Variants in NMNAT3 observed in about 807,000 individuals in gnomAD.
NMNAT3 encodes the protein nicotinamide nucleotide adenylyltransferase 3.
Under a neutral mutation model 24.8 loss-of-function variants are expected in NMNAT3, and 21 were observed. The observed-to-expected ratio is 0.85, with a 90% CI of 0.60 to 1.22. The LOEUF is 1.22. Among genes scored for constraint, NMNAT3 ranks in the 50% most tolerant of loss-of-function variants. The pLI, the probability that NMNAT3 is intolerant of heterozygous loss-of-function variation, is 0.00. For missense variants in NMNAT3, 387 were observed against 436.6 expected (o/e 0.89, Z 1.01); for synonymous variants, 136 against 155.2 (o/e 0.88, Z 0.92).
At chr3:139,628,409 TCTTTA>T (rs2056150266) in intron 2 of NMNAT3, among the ~76,000 whole-genome samples, 1 of 152,268 alleles carries the variant, frequency 6.6e-6, no homozygotes, top group African/African-American at 2.4e-5. Flanking sequence ...ACATAAAATC[TCTTTA>T]CTTCTAAATA....
intron 1 of NMNAT3, among the ~76,000 whole-genome samples, chr3:139,650,663 T>C (rs1323393900): frequency 6.6e-6 from 1 of 152,212 alleles, no homozygotes; most frequent in Non-Finnish European, 1.5e-5. Context: ...AGGTTTTACC[T>C]GAGGAATGCA....
chr3:139,583,217 C>A lies in NMNAT3; in HGVS notation c.110-9G>T. The A allele has an allele frequency of 8.3e-7, 1 of 1,200,056 alleles. No individual in the cohort carries two copies. Among genetic ancestry groups the A allele is most frequent in the Non-Finnish European group, 1.2e-6 (1 of 806,260 alleles). 74.3% of individuals were successfully genotyped at this position (1,200,056 alleles called of 1,614,324 possible). A position where few individuals can be genotyped will look rare whatever the true frequency, so the allele number is the denominator to read the frequency against. On this transcript the variant is annotated splice_polypyrimidine_tract_variant and intron_variant, in intron 3 of 6. Coordinates refer to ENST00000643695, the MANE Select transcript of NMNAT3 (RefSeq NM_001320510.2). ...GTCCTTTTCTTCATATTCTGGAATA[C>A]AAGAAAACGTGTAAATGTTTGCAAA... is the stretch of plus-strand genomic sequence containing the variant.
intron 3 of NMNAT3, among the ~76,000 whole-genome samples, chr3:139,592,229 A>G: frequency 6.6e-6 from 1 of 152,198 alleles, no homozygotes; most frequent in East Asian, 1.9e-4. Context: ...GCGATGGAAG[A>G]TGAAATGAAT....
At chr3:139,659,015 T>G (rs928665763) in intron 1 of NMNAT3, among the ~76,000 whole-genome samples, 3 of 152,216 alleles carry the variant, frequency 2.0e-5, no homozygotes, top group Non-Finnish European at 4.4e-5. Flanking sequence ...TAAATATAAA[T>G]AGAATCACAC....
At chr3:139,631,492 T>A (rs1370105439) in intron 2 of NMNAT3, among the ~76,000 whole-genome samples, 1 of 152,140 alleles carries the variant, frequency 6.6e-6, no homozygotes, top group Non-Finnish European at 1.5e-5. Context: ...ACTTCTGCTA[T>A]TGGGGAAGGC....
chr3:139,575,989 C>T (rs1939246344), intron 5 of NMNAT3: 1 of 1,288,098 alleles, frequency 7.8e-7, no homozygotes, highest in African/African-American at 1.5e-5. Flanking sequence ...GCCTCAGTTT[C>T]TTTATCTGTA....
chr3:139,634,262 G>A (rs1035304276), intron 2 of NMNAT3: 2 of 152,206 alleles, frequency 1.3e-5, no homozygotes, highest in African/African-American at 4.8e-5. Context: ...ACCTTTCCCT[G>A]CGGTGAGCAT....
chr3:139,578,252 G>T (rs1178476967), intron 5 of NMNAT3, among the ~76,000 whole-genome samples: 4 of 152,114 alleles, frequency 2.6e-5, no homozygotes, highest in Admixed American at 1.3e-4. Context: ...TACTTATGCT[G>T]AATACAAATA....
At chr3:139,664,649 C>T (rs2057520337) in intron 1 of NMNAT3, among the ~76,000 whole-genome samples, 1 of 152,146 alleles carries the variant, frequency 6.6e-6, no homozygotes, top group African/African-American at 2.4e-5. Flanking sequence ...TGTTGATTCC[C>T]CAAAACATTT....
At chr3:139,656,058 G>T (rs1047337675) in intron 1 of NMNAT3, among the ~76,000 whole-genome samples, 4 of 152,226 alleles carry the variant, frequency 2.6e-5, no homozygotes, top group Admixed American at 2.6e-4. Flanking sequence ...CTGGAATCCA[G>T]CCATGCTAAC....
In NMNAT3 at chr3:139,578,887, G is replaced by A. The variant is rs377244570; in HGVS notation, c.560C>T (p.Thr187Ile). ...CTACCATTACCTCAGCACCTTCACT[G>A]TCTCCATCCACTGTGCCTGCTCACT... The change falls in exon 5 of 7, where the codon ACA becomes ATA. Residue 187 changes from threonine (T) to isoleucine (I), a missense_variant. Physicochemically the swap from Thr to Ile is moderately conservative, Grantham distance 89. Coordinates refer to ENST00000643695, the MANE Select transcript of NMNAT3 (RefSeq NM_001320510.2). 4 of 1,614,016 alleles carry A rather than the reference G, an allele frequency of 2.5e-6. No individual in the cohort carries two copies. Among genetic ancestry groups the A allele is most frequent in the Non-Finnish European group, 3.4e-6 (4 of 1,179,930 alleles).
intron 5 of NMNAT3, chr3:139,575,618 A>T (rs1228352672): frequency 9.9e-7 from 1 of 1,011,908 alleles, no homozygotes; most frequent in East Asian, 1.0e-4. Flanking sequence ...CCTACTTTGA[A>T]TATTAGCTGG....
chr3:139,657,240 A>G (rs1160519146), intron 1 of NMNAT3, among the ~76,000 whole-genome samples: 1 of 152,224 alleles, frequency 6.6e-6, no homozygotes, highest in Non-Finnish European at 1.5e-5. Context: ...CATCCAAGCC[A>G]CAAGATCTTT....
chr3:139,645,594 C>T (rs921171256), intron 1 of NMNAT3, among the ~76,000 whole-genome samples: 1 of 152,082 alleles, frequency 6.6e-6, no homozygotes, highest in Non-Finnish European at 1.5e-5. Flanking sequence ...ACCTGTGCTC[C>T]AGGTAAGAAG....
At chr3:139,666,362 A>T (rs1255349310) in intron 1 of NMNAT3, among the ~76,000 whole-genome samples, 1 of 152,214 alleles carries the variant, frequency 6.6e-6, no homozygotes, top group Admixed American at 6.5e-5. Flanking sequence ...GCAGAAATCT[A>T]GGCCACCTGA....
chr3:139,661,924 G>A (rs115958846), intron 1 of NMNAT3, among the ~76,000 whole-genome samples: 2,099 of 152,014 alleles, frequency 0.014, 23 homozygotes, highest in South Asian at 0.056. Context: ...AAAATTCCTT[G>A]ATATCATCTA....
intron 1 of NMNAT3, among the ~76,000 whole-genome samples, chr3:139,665,040 C>T (rs1161276785): frequency 6.6e-6 from 1 of 152,114 alleles, no homozygotes; most frequent in Non-Finnish European, 1.5e-5. Flanking sequence ...ATGTGATGAC[C>T]ACTACCCACA....
intron 1 of NMNAT3, among the ~76,000 whole-genome samples, chr3:139,658,075 G>T (rs544177287): frequency 2.0e-5 from 3 of 152,140 alleles, no homozygotes; most frequent in Non-Finnish European, 4.4e-5. Flanking sequence ...TGGACATCAG[G>T]GGTGGCGTGT....
At chr3:139,615,460 T>TATCTATCTATCTATCTATCTATCC (rs748766151) in intron 3 of NMNAT3, among the ~76,000 whole-genome samples, 2 of 146,414 alleles carry the variant, frequency 1.4e-5, no homozygotes, top group African/African-American at 4.9e-5. Context: ...TCTATCTATC[T>TATCTATCTATCTATCTATCTATCC]ATCCATCCAC....
Sources: allele counts gnomAD v4.1 joint callset (sites outside exome capture counted in the v4.1 genomes callset), GRCh38; gene constraint gnomAD v4.1.1; transcripts MANE v1.5; gene names NCBI Gene and HGNC (gene_info 2026-07-23, HGNC 2026-07-21).